Variants in SLC38A9 observed in about 807,000 individuals in gnomAD.
SLC38A9 encodes neutral amino acid transporter 9.
A neutral mutation model predicts 62.3 loss-of-function variants in SLC38A9; 48 were observed. The observed-to-expected ratio is 0.77, with a 90% confidence interval of 0.61 to 0.98. The LOEUF (loss-of-function observed/expected upper bound fraction) is 0.98, where lower values mean the gene tolerates loss of function less well. SLC38A9 is among the 50% of genes least tolerant of loss of function. The pLI, the probability that SLC38A9 is intolerant of heterozygous loss-of-function variation, is 0.00. For synonymous variants in SLC38A9, 204 were observed against 227.7 expected, an observed-to-expected ratio of 0.90 and a Z score of 0.94; for missense variants, 541 against 679.8, an observed-to-expected ratio of 0.80 and a Z score of 2.27.
At chr5:55,690,072 G>C (rs1754506155) in intron 3 of SLC38A9, among the ~76,000 whole-genome samples, 1 of 152,068 alleles carries the variant, frequency 6.6e-6, no homozygotes, top group Non-Finnish European at 1.5e-5. Flanking sequence ...TAAGGACAAT[G>C]AATTTGTAAG....
intron 3 of SLC38A9, among the ~76,000 whole-genome samples, chr5:55,681,661 G>A (rs1753027265): frequency 6.6e-6 from 1 of 152,098 alleles, no homozygotes; most frequent in Admixed American, 6.5e-5. Flanking sequence ...TAAGGTGAAC[G>A]AGCCTGACCT....
intron 3 of SLC38A9, among the ~76,000 whole-genome samples, chr5:55,695,100 G>A (rs1755303476): frequency 6.6e-6 from 1 of 151,914 alleles, no homozygotes; most frequent in Non-Finnish European, 1.5e-5. Flanking sequence ...AGTCCTAAGA[G>A]GTTATTGCAT....
intron 8 of SLC38A9, among the ~76,000 whole-genome samples, chr5:55,657,494 T>G (rs1426717675): frequency 2.0e-5 from 3 of 151,834 alleles, no homozygotes; most frequent in East Asian, 1.9e-4. Flanking sequence ...ATCAAAGTTT[T>G]TTTTTTTTTT....
At chr5:55,680,022 T>C (rs1752762136) in intron 3 of SLC38A9, among the ~76,000 whole-genome samples, 1 of 152,234 alleles carries the variant, frequency 6.6e-6, no homozygotes, top group Admixed American at 6.5e-5. Context: ...CAGTTATTAC[T>C]CTCCTCCTTA....
At chr5:55,660,734 A>G (rs1749365903) in intron 8 of SLC38A9, among the ~76,000 whole-genome samples, 1 of 152,184 alleles carries the variant, frequency 6.6e-6, no homozygotes, top group Admixed American at 6.6e-5. Context: ...TCCTACAGAT[A>G]AAGCATATAT....
chr5:55,635,556 AT>A lies in SLC38A9; in HGVS notation c.1268del (p.Asp423ValfsTer8). The A allele has an allele frequency of 1.2e-6, 2 of 1,612,080 alleles. No homozygotes were observed. Among genetic ancestry groups the A allele is most frequent in the South Asian group, 2.2e-5 (2 of 91,028 alleles). Reference sequence around the variant, plus strand: ...CACGGTGCCTTACCTGCTCAATACAATCTTTGGATAATGGTGGTGAAGGAAA... The same window carrying A: ...CACGGTGCCTTACCTGCTCAATACAACTTTGGATAATGGTGGTGAAGGAAA... Reference protein sequence around the residue: ...ASFPSPPLSKDCIEQNFLDNF... With the variant: ...ASFPSPPLSKXCIEQNFLDNF... On this transcript the variant is annotated frameshift_variant, in exon 13 of 16. Coordinates refer to ENST00000396865, the MANE Select transcript of SLC38A9 (RefSeq NM_173514.4). LOFTEE classifies it high-confidence loss of function.
Position 55,671,492 on chromosome 5 carries a change from G to T in SLC38A9, c.246+1071C>A. Among the ~76,000 whole-genome samples the T allele has an allele frequency of 2.1e-5, 3 of 141,436 alleles. 1 individual carries two copies. The highest frequency in any genetic ancestry group is 3.1e-5 in the Non-Finnish European group (2 of 64,974). The allele number at this position is 141,436 out of a possible 152,430, so 92.8% of individuals were successfully genotyped here. ...ACTATATTTATGTGTACATATTTCA[G>T]TTTCCCATTCTTCTTTTTTTTTTTT... On this transcript the variant is annotated intron_variant, in intron 4 of 15. Coordinates refer to ENST00000396865, the MANE Select transcript of SLC38A9 (RefSeq NM_173514.4).
intron 14 of SLC38A9, among the ~76,000 whole-genome samples, chr5:55,629,322 C>T (rs1025013595): frequency 6.6e-6 from 1 of 152,080 alleles, no homozygotes; most frequent in Non-Finnish European, 1.5e-5. Flanking sequence ...AACCAACCTC[C>T]TGAATAGCTG....
intron 2 of SLC38A9, among the ~76,000 whole-genome samples, chr5:55,708,340 A>G (rs1179454380): frequency 1.3e-5 from 2 of 152,170 alleles, no homozygotes; most frequent in Non-Finnish European, 2.9e-5. Context: ...AAAGAACAAA[A>G]AATGTTAGTG....
intron 7 of SLC38A9, among the ~76,000 whole-genome samples, chr5:55,666,817 G>GGAGATCGAGACCACAGTGAAATCCC (rs57096151): frequency 0.06 from 9,145 of 151,932 alleles, 606 homozygotes; most frequent in East Asian, 0.24. Flanking sequence ...CACGAAGTCA[G>GGAGATCGAGACCACAGTGAAATCCC]GAGATCGAGA....
At chr5:55,674,130 T>C (rs1751754386) in intron 3 of SLC38A9, among the ~76,000 whole-genome samples, 1 of 152,232 alleles carries the variant, frequency 6.6e-6, no homozygotes, top group Non-Finnish European at 1.5e-5. Context: ...TTAAACTTAG[T>C]TTTATCTCTC....
At chr5:55,709,261 G>A (rs1757688250) in intron 2 of SLC38A9, among the ~76,000 whole-genome samples, 1 of 151,930 alleles carries the variant, frequency 6.6e-6, no homozygotes, top group African/African-American at 2.4e-5. Context: ...TCTACAATGG[G>A]AACACTAAAT....
chr5:55,628,154 G>A (rs896669088), intron 14 of SLC38A9, among the ~76,000 whole-genome samples, 174 bp from the exon 15 acceptor site: 2 of 152,140 alleles, frequency 1.3e-5, no homozygotes, highest in Non-Finnish European at 2.9e-5. Context: ...GTGGTAACGA[G>A]AAAGTGAAAT....
At chr5:55,698,843 G>A (rs767397091) in intron 2 of SLC38A9, among the ~76,000 whole-genome samples, 9 of 152,058 alleles carry the variant, frequency 5.9e-5, no homozygotes, top group Non-Finnish European at 8.8e-5. Flanking sequence ...AGGCTGAAGC[G>A]GGAGGATTGC....
rs752005023 is a variant in SLC38A9, at chr5:55,627,873, T to G, written c.1520+18A>C. On this transcript the variant is annotated intron_variant, in intron 15 of 15. Transcript: ENST00000396865. ...AGACCAATATATGTAAGGGCACCATTCCCTTACAAGGCAGTACCTTATGAT... is the reference window on the plus strand; with the variant it reads ...AGACCAATATATGTAAGGGCACCATGCCCTTACAAGGCAGTACCTTATGAT... 2 of 1,474,296 alleles carry G rather than the reference T, an allele frequency of 1.4e-6. No homozygotes were observed. The highest frequency in any genetic ancestry group is 1.9e-6 in the Non-Finnish European group (2 of 1,056,378). 91.3% of individuals were successfully genotyped at this position (1,474,296 alleles called of 1,614,324 possible).
chr5:55,687,077 T>C (rs200493665), intron 3 of SLC38A9, among the ~76,000 whole-genome samples: 82,034 of 135,910 alleles, frequency 0.6, 24,175 homozygotes, highest in South Asian at 0.72. Context: ...TTTTTTTTTT[T>C]TTTTTTTTTT....
chr5:55,706,203 G>C (rs1216918502), intron 2 of SLC38A9, among the ~76,000 whole-genome samples: 2 of 152,180 alleles, frequency 1.3e-5, no homozygotes, highest in African/African-American at 4.8e-5. Context: ...CAGTGGCAGT[G>C]AAACAAGGGA....
chr5:55,635,702 A>G (rs779184401), intron 12 of SLC38A9, 45 bp from the exon 13 acceptor site: 1 of 1,325,832 alleles, frequency 7.5e-7, no homozygotes, highest in South Asian at 1.2e-5. Flanking sequence ...AGAACCTTGT[A>G]GTAAGTCTAC....
chr5:55,672,579 G>C lies in SLC38A9; in HGVS notation c.230C>G (p.Pro77Arg), dbSNP rs1301529938. ...RIHYYSRLTT[P>R]ADKALIAPDH... is the part of the protein sequence containing the mutation. ...GTCTCTTACCAGTGCCTTGTCTGCA[G>C]GAGTGGTGAGCCGGCTGTAGTAATG... Residue 77 changes from proline (P) to arginine (R), a missense_variant, in exon 4 of 16, where the codon CCT becomes CGT. Coordinates refer to ENST00000396865, the MANE Select transcript of SLC38A9 (RefSeq NM_173514.4). The C allele has an allele frequency of 6.2e-7, 1 of 1,614,110 alleles. No individual in the cohort carries two copies. Among genetic ancestry groups the C allele is most frequent in the Non-Finnish European group, 8.5e-7 (1 of 1,180,004 alleles).
Sources: allele counts gnomAD v4.1 joint callset (sites outside exome capture counted in the v4.1 genomes callset), GRCh38; gene constraint gnomAD v4.1.1; transcripts MANE v1.5; gene names NCBI Gene and HGNC (gene_info 2026-07-23, HGNC 2026-07-21).